The following TUBGCP3 variants were observed in gnomAD, a reference collection of about 807,000 sequenced individuals.
TUBGCP3 encodes the protein gamma-tubulin complex component 3.
In TUBGCP3, 50 loss-of-function variants were observed where a neutral mutation model predicts 123.1. The observed-to-expected ratio is 0.41, with a 90% CI of 0.32 to 0.51. The LOEUF is 0.51. TUBGCP3 is among the 20% of genes least tolerant of loss of function. TUBGCP3 has a pLI of 0.36. For synonymous variants in TUBGCP3, 405 were observed against 413.9 expected (o/e 0.98, Z 0.26); for missense variants, 882 against 1,127.0 (o/e 0.78, Z 3.11).
At chr13:112,587,821 A>T in intron 1 of TUBGCP3, 84 bp downstream of exon 1, 1 of 1,254,216 alleles carries the variant, frequency 8.0e-7, no homozygotes, top group Non-Finnish European at 1.1e-6. Context: ...TCGTTCCTCC[A>T]GCCCCGGAAC....
At chr13:112,548,086 A>C (rs1555342273) in intron 9 of TUBGCP3, 22 bp downstream of exon 9, 3 of 1,523,712 alleles carry the variant, frequency 2.0e-6, no homozygotes, top group Admixed American at 3.7e-5. Context: ...TAAAGAAATA[A>C]AAATAAAAAT....
At chr13:112,576,255 T>C (rs1365832127) in intron 1 of TUBGCP3, among the ~76,000 whole-genome samples, 6 of 152,122 alleles carry the variant, frequency 3.9e-5, no homozygotes, top group South Asian at 2.1e-4. Context: ...CTCCTTTCTC[T>C]TTCTCTATAA....
At chr13:112,576,521 G>A (rs955301343) in intron 1 of TUBGCP3, among the ~76,000 whole-genome samples, 2 of 152,094 alleles carry the variant, frequency 1.3e-5, no homozygotes, top group African/African-American at 4.8e-5. Flanking sequence ...ACAAAAAAAC[G>A]GGTACTGAGG....
chr13:112,549,989 CAAAAAAAAAAAAAAA>C (rs750596642), intron 8 of TUBGCP3, among the ~76,000 whole-genome samples: 58 of 40,206 alleles, frequency 1.4e-3, no homozygotes, highest in African/African-American at 5.9e-3. Context: ...GACTCCATCT[CAAAAAAAAAAAAAAA>C]AAAAAAAAAA....
chr13:112,552,255 G>GT (rs1269955695), intron 8 of TUBGCP3, among the ~76,000 whole-genome samples: 1 of 152,216 alleles, frequency 6.6e-6, no homozygotes, highest in Non-Finnish European at 1.5e-5. Flanking sequence ...GATTTTGTGT[G>GT]TGTGTTTTGC....
At chr13:112,556,375 A>C in intron 5 of TUBGCP3, 151 bp from the exon 6 acceptor site, 1 of 777,088 alleles carries the variant, frequency 1.3e-6, no homozygotes, top group Non-Finnish European at 2.0e-6. Context: ...AACCGAATAT[A>C]TCAATAACAG....
rs1881421220 is a variant in TUBGCP3, at chr13:112,508,043, C to CA, written c.2087-3330dup. Among the ~76,000 whole-genome samples the CA allele has an allele frequency of 6.6e-6, 1 of 152,166 alleles. No homozygotes were observed. Among genetic ancestry groups the CA allele is most frequent in the Admixed American group, 6.5e-5 (1 of 15,282 alleles). ...GTGTCAGCCTAAACTCCTGACATCC[C>CA]ACTCCAGCCCATCCCAGTGCTGCCT... On this transcript the variant is annotated intron_variant, in intron 17 of 21. Coordinates refer to ENST00000261965, the MANE Select transcript of TUBGCP3 (RefSeq NM_006322.6). This position sits in a 1 kb window ranked among gnomAD's most constrained non-coding sequence, Gnocchi z 4.2.
chr13:112,542,077 G>A (rs1316703103), intron 11 of TUBGCP3, among the ~76,000 whole-genome samples: 2 of 151,734 alleles, frequency 1.3e-5, no homozygotes, highest in Non-Finnish European at 2.9e-5. Flanking sequence ...GTACATGCTG[G>A]TCAAAGTATT....
chr13:112,603,938 C>G, the TUBGCP3 span: 3 of 152,180 alleles, frequency 2.0e-5, no homozygotes, highest in Non-Finnish European at 4.4e-5. Flanking sequence ...TTTCTTCATC[C>G]CAAATTGGTG....
Position 112,511,269 on chromosome 13 carries a change from A to G in TUBGCP3, c.2086+5171T>C, listed in dbSNP as rs1169719044. ...CACAGGGCACTGCTGGCCCGCGGGC[A>G]CCTGCCTTTCCTGGTAAGATAAAAT... On this transcript the variant is annotated intron_variant, in intron 17 of 21. Transcript: ENST00000261965. The surrounding 1 kb of genome is among the most constrained non-coding windows in gnomAD (Gnocchi z 4.1). 6.6e-6 allele frequency among the ~76,000 whole-genome samples: 1 copy of G among 152,184 alleles called. No homozygotes were observed. The highest frequency in any genetic ancestry group is 2.4e-5 in the African/African-American group (1 of 41,450).
chr13:112,584,423 T>C (rs1882472844), intron 1 of TUBGCP3, among the ~76,000 whole-genome samples: 1 of 152,236 alleles, frequency 6.6e-6, no homozygotes, highest in African/African-American at 2.4e-5. Context: ...TATCTTAATA[T>C]ACATGTAATA....
At chr13:112,521,028 C>T (rs1016327046) in intron 14 of TUBGCP3, among the ~76,000 whole-genome samples, 1 of 152,196 alleles carries the variant, frequency 6.6e-6, no homozygotes, top group African/African-American at 2.4e-5. Context: ...GGGCACAAGG[C>T]GAATGCGTTC....
At chr13:112,557,264 G>A (rs1340295732) in intron 5 of TUBGCP3, among the ~76,000 whole-genome samples, 1 of 152,198 alleles carries the variant, frequency 6.6e-6, no homozygotes, top group Non-Finnish European at 1.5e-5. Flanking sequence ...TTAAATTCTA[G>A]ATTAAATGTG....
chr13:112,599,590 T>G, the TUBGCP3 span, among the ~76,000 whole-genome samples: 1 of 152,208 alleles, frequency 6.6e-6, no homozygotes, highest in Admixed American at 6.5e-5. Context: ...CACTGTAACC[T>G]CCGCCTCCCA....
intron 1 of TUBGCP3, among the ~76,000 whole-genome samples, chr13:112,586,030 G>C (rs1372066442): frequency 6.6e-6 from 1 of 152,022 alleles, no homozygotes; most frequent in Admixed American, 6.6e-5. Context: ...ACGAGGTCAG[G>C]AGATCGAAAC....
chr13:112,520,758 G>A (rs1404945409), intron 14 of TUBGCP3, among the ~76,000 whole-genome samples: 1 of 152,144 alleles, frequency 6.6e-6, no homozygotes, highest in East Asian at 1.9e-4. Flanking sequence ...TACACTTTCA[G>A]CAAGCATTTC....
At chr13:112,546,817 A>C (rs1370145600) in intron 10 of TUBGCP3, 1 of 152,172 alleles carries the variant, frequency 6.6e-6, no homozygotes, top group African/African-American at 2.4e-5. Context: ...TTTTTGAGGG[A>C]AGTGCCAAGA....
At chr13:112,587,553 T>C (rs888698129) in intron 1 of TUBGCP3, among the ~76,000 whole-genome samples, 4 of 152,174 alleles carry the variant, frequency 2.6e-5, no homozygotes, top group Non-Finnish European at 5.9e-5. Flanking sequence ...GAGCTGGCAT[T>C]CCTCCCGTCC....
intron 14 of TUBGCP3, chr13:112,521,831 T>C: frequency 1.0e-6 from 1 of 985,358 alleles, no homozygotes; most frequent in Non-Finnish European, 1.2e-6. Flanking sequence ...CAGGCTCTGG[T>C]CCAGAACTTG....
Sources: gnomAD v4.1 joint callset for allele counts (sites outside exome capture counted in the v4.1 genomes callset) on GRCh38, gnomAD v4.1.1 for gene constraint, Gnocchi (gnomAD v3.1) non-coding constraint, MANE v1.5 for transcripts, NCBI Gene and HGNC (gene_info 2026-07-23, HGNC 2026-07-21) for gene names.